ADGRB1: variants seen among roughly 807,000 people sequenced by gnomAD.
ADGRB1 encodes adhesion G protein-coupled receptor B1.
A neutral mutation model predicts 175.7 loss-of-function variants in ADGRB1; 36 were observed. The ratio of observed to expected loss-of-function variants is 0.20; its 90% confidence interval spans 0.16 to 0.27. ADGRB1 has a LOEUF of 0.27. ADGRB1 is among the 10% of genes least tolerant of loss of function. The pLI, the probability that ADGRB1 is intolerant of heterozygous loss-of-function variation, is 1.00. For missense variants in ADGRB1, 1,731 were observed against 2,255.3 expected (o/e 0.77, Z 4.71); for synonymous variants, 1,054 against 979.4 (o/e 1.08, Z -1.42).
In ADGRB1 at chr8:142,464,299, C is replaced by A. The variant is rs781636227; in HGVS notation, c.101C>A (p.Ala34Glu). 21 of 1,392,458 alleles carry A rather than the reference C, an allele frequency of 1.5e-5. No homozygotes were observed. The South Asian group carries it at 3.4e-4, about 22-fold the overall frequency. 86.3% of individuals were successfully genotyped at this position (1,392,458 alleles called of 1,614,324 possible). ...LGRRARAAAG[A>E]DAGPGPEPCA... is the part of the protein sequence containing the mutation. ...CGCCGCGCGCGGGCGGCCGCCGGAG[C>A]AGACGCGGGGCCCGGGCCCGAGCCG... Residue 34 changes from alanine to glutamate, a missense_variant, in exon 2 of 31, where the codon GCA (alanine) becomes GAA (glutamate). Ala to Glu is a moderately radical substitution (Grantham distance 107, BLOSUM62 -1). This residue lies in a region of ADGRB1 where 383 missense variants were observed against 383.1 expected (regional missense o/e 1.00). Transcript: ENST00000517894.
At chr8:142,528,180 G>A (rs745959014) in intron 24 of ADGRB1, among the ~76,000 whole-genome samples, 17 of 152,240 alleles carry the variant, frequency 1.1e-4, no homozygotes, top group Non-Finnish European at 2.5e-4. Flanking sequence ...GGACCTGCAC[G>A]AGGTCCCTGC....
intron 21 of ADGRB1, 148 bp from the exon 22 acceptor site, chr8:142,522,493 C>T (rs548848765): frequency 2.5e-6 from 2 of 794,438 alleles, no homozygotes; most frequent in Middle Eastern, 3.4e-4. Context: ...TGTTCACCTC[C>T]TGCCCCATCT....
At position 142,450,978 on chromosome 8, in the gene ADGRB1, G is replaced by T. The variant is rs533490835; in HGVS notation, c.-220+874G>T. Among the ~76,000 whole-genome samples, 1,155 of 152,248 alleles carry T rather than the reference G, an allele frequency of 7.6e-3. 3 individuals carry two copies. The highest frequency in any genetic ancestry group is 0.012 in the Non-Finnish European group (837 of 67,986). ...GGGTCCGCGTCGCCGGTGAGCAGAG[G>T]CCGCCGGCCCTCCACCGTCGCCGCG... On this transcript the variant is annotated intron_variant, in intron 1 of 30. Transcript: ENST00000517894.
At chr8:142,482,659 G>A in intron 11 of ADGRB1, among the ~76,000 whole-genome samples, 1 of 150,268 alleles carries the variant, frequency 6.7e-6, no homozygotes, top group Non-Finnish European at 1.5e-5. Context: ...CACACGCTGA[G>A]CCTCGATCCT....
At chr8:142,471,262 C>T (rs1840646490) in intron 2 of ADGRB1, among the ~76,000 whole-genome samples, 2 of 152,260 alleles carry the variant, frequency 1.3e-5, no homozygotes, top group African/African-American at 2.4e-5. Context: ...ATGCCTTCAG[C>T]CCTTCACCTC....
rs764875049 is a variant in ADGRB1, at chr8:142,526,538, G to C, written c.3313-4G>C. 1.7e-4 allele frequency: 253 copies of C among 1,455,840 alleles called. 1 individual carries two copies. The highest frequency in any genetic ancestry group is 2.3e-4 in the Non-Finnish European group (249 of 1,075,544). 90.2% of individuals were successfully genotyped at this position (1,455,840 alleles called of 1,614,324 possible). A position where few individuals can be genotyped will look rare whatever the true frequency, so the allele number is the denominator to read the frequency against. Reference sequence around the variant, plus strand: ...CCACACCCCCACCACTCTCTGCCCGGCAGGTGAACATGGTCATTGGGATCC... The same window carrying C: ...CCACACCCCCACCACTCTCTGCCCGCCAGGTGAACATGGTCATTGGGATCC... On this transcript the variant is annotated splice_region_variant and splice_polypyrimidine_tract_variant and intron_variant, in intron 23 of 30. Coordinates refer to ENST00000517894, the MANE Select transcript of ADGRB1 (RefSeq NM_001702.3).
Position 142,537,013 on chromosome 8 carries a change from G to A in ADGRB1, c.3597G>A (p.Val1199=). ...REVQDAVKCR[V]VDRQEEGNGD... The stretch of plus-strand genomic sequence containing the variant: ...TCCAGGACGCTGTGAAATGCCGTGT[G>A]GTTGACCGGCAGGAGGAGGGCAACG... Residue 1199 remains valine, a synonymous_variant, in exon 26 of 31, where the codon GTG becomes GTA. Coordinates refer to ENST00000517894, the MANE Select transcript of ADGRB1 (RefSeq NM_001702.3). This position sits in a 1 kb window ranked among gnomAD's most constrained non-coding sequence, Gnocchi z 4.6. The A allele has an allele frequency of 1.3e-6, 2 of 1,594,352 alleles. No individual in the cohort carries two copies. Among genetic ancestry groups the A allele is most frequent in the Non-Finnish European group, 1.7e-6 (2 of 1,170,960 alleles).
At chr8:142,502,678 T>C (rs541572751) in intron 17 of ADGRB1, among the ~76,000 whole-genome samples, 184 of 149,078 alleles carry the variant, frequency 1.2e-3, no homozygotes, top group Non-Finnish European at 2.1e-3. Flanking sequence ...GTAGTAAGGG[T>C]CGCATTGTTG....
Position 142,455,160 on chromosome 8 carries a change from C to T in ADGRB1, c.-220+5056C>T, listed in dbSNP as rs1428191910. Among the ~76,000 whole-genome samples the T allele has an allele frequency of 6.6e-6, 1 of 150,566 alleles. No homozygotes were observed. Among genetic ancestry groups the T allele is most frequent in the Non-Finnish European group, 1.5e-5 (1 of 67,620 alleles). On this transcript the variant is annotated intron_variant, in intron 1 of 30. Transcript: ENST00000517894. The surrounding 1 kb of genome is among the most constrained non-coding windows in gnomAD (Gnocchi z 4.9). Reference sequence around the variant, plus strand: ...CGAGGCTACCTCAGCCGCACCCTGCCGCCGGCACCACACTGCACCATCATT... The same window carrying T: ...CGAGGCTACCTCAGCCGCACCCTGCTGCCGGCACCACACTGCACCATCATT...
At chr8:142,539,770 C>G (rs1049916651) in intron 27 of ADGRB1, 2 of 402,420 alleles carry the variant, frequency 5.0e-6, no homozygotes, top group Admixed American at 4.1e-5. Context: ...CACAGCCTCA[C>G]CCTAGTGCCG....
At chr8:142,505,013 G>A (rs1180714677) in intron 17 of ADGRB1, among the ~76,000 whole-genome samples, 1 of 151,190 alleles carries the variant, frequency 6.6e-6, no homozygotes, top group Admixed American at 6.6e-5. Context: ...CACCTGCTTC[G>A]TGGGCCGGCA....
In ADGRB1 at chr8:142,476,711, G is replaced by T. The variant is rs958173144; in HGVS notation, c.1057+16G>T. 1.9e-6 allele frequency: 3 copies of T among 1,538,512 alleles called. No homozygotes were observed. The highest frequency in any genetic ancestry group is 2.6e-6 in the Non-Finnish European group (3 of 1,139,720). ...CCCCAGACCGGTGAGCTGGCGGGAGGGGGGTGGGTGGGACTAGGGCTTTGG... is the reference window on the plus strand; with the variant it reads ...CCCCAGACCGGTGAGCTGGCGGGAGTGGGGTGGGTGGGACTAGGGCTTTGG... On this transcript the variant is annotated intron_variant, in intron 4 of 30. Transcript: ENST00000517894.
At chr8:142,476,505 G>C in intron 3 of ADGRB1, 80 bp from the exon 4 acceptor site, 1 of 1,352,200 alleles carries the variant, frequency 7.4e-7, no homozygotes, top group Non-Finnish European at 1.0e-6. Context: ...CAGTGCTGCC[G>C]AACTCAGAGC....
rs912110035 is a variant in ADGRB1 at position 142,474,911 on chromosome 8, A to T, written c.785-563A>T. ...CCTGGGTTCGAGGCCCTGGTTGGAC[A>T]CCAGGTGTGAGGCCTTGATCACCAC... On this transcript the variant is annotated intron_variant, in intron 2 of 30. Transcript: ENST00000517894. The surrounding 1 kb of genome is among the most constrained non-coding windows in gnomAD (Gnocchi z 5.8). Among the ~76,000 whole-genome samples, 2 of 152,116 alleles carry T rather than the reference A, an allele frequency of 1.3e-5. No individual in the cohort carries two copies. The highest frequency in any genetic ancestry group is 4.8e-5 in the African/African-American group (2 of 41,422).
At chr8:142,477,331 G>C in intron 5 of ADGRB1, 53 bp downstream of exon 5, 1 of 1,324,242 alleles carries the variant, frequency 7.6e-7, no homozygotes, top group Non-Finnish European at 1.0e-6. Context: ...CGGGGGGCCA[G>C]GGCAGCGGGG....
chr8:142,476,503 C>G (rs1404323993), intron 3 of ADGRB1, 82 bp from the exon 4 acceptor site: 1 of 1,327,806 alleles, frequency 7.5e-7, no homozygotes, highest in Non-Finnish European at 1.1e-6. Context: ...CCCAGTGCTG[C>G]CGAACTCAGA....
At chr8:142,497,907 C>G (rs552189091) in intron 17 of ADGRB1, among the ~76,000 whole-genome samples, 1 of 152,304 alleles carries the variant, frequency 6.6e-6, no homozygotes, top group Non-Finnish European at 1.5e-5. Context: ...TGCGGGCAAG[C>G]CCCCATGGCC....
chr8:142,480,982 G>T (rs1404531640), intron 9 of ADGRB1, among the ~76,000 whole-genome samples: 1 of 110,878 alleles, frequency 9.0e-6, no homozygotes, highest in East Asian at 2.6e-4. Context: ...TGAAGGCCCT[G>T]CTCGGCCGAG....
In ADGRB1 at chr8:142,510,512, GCTCC is replaced by G. The variant is rs1715619426; in HGVS notation, c.2676-419_2676-416del. Among the ~76,000 whole-genome samples the G allele has an allele frequency of 1.3e-5, 2 of 149,686 alleles. 1 individual carries two copies. Among genetic ancestry groups the G allele is most frequent in the African/African-American group, 4.9e-5 (2 of 40,872 alleles). ...GCCACACCCGGCTCGCACCCTCCCCGCTCCACGTGCGCCCACGCGCCCCTCCGGG... is the reference window on the plus strand; with the variant it reads ...GCCACACCCGGCTCGCACCCTCCCCGACGTGCGCCCACGCGCCCCTCCGGG... On this transcript the variant is annotated intron_variant, in intron 17 of 30. Transcript: ENST00000517894. This position sits in a 1 kb window ranked among gnomAD's most constrained non-coding sequence, Gnocchi z 6.3.
Sources: allele counts gnomAD v4.1 joint callset (sites outside exome capture counted in the v4.1 genomes callset), GRCh38; gene constraint gnomAD v4.1.1; regional missense constraint gnomAD v4.1.1; non-coding constraint Gnocchi (gnomAD v3.1); transcripts MANE v1.5; gene names NCBI Gene and HGNC (gene_info 2026-07-23, HGNC 2026-07-21).